CRISPLD2: variants seen among roughly 807,000 people sequenced by gnomAD.
The protein encoded by CRISPLD2 is cysteine rich secretory protein LCCL domain containing 2.
Under a neutral mutation model 71.1 loss-of-function variants are expected in CRISPLD2, and 47 were observed. That is an observed-to-expected ratio of 0.66 (90% CI 0.52 to 0.84). The LOEUF is 0.84. CRISPLD2 is among the 40% of genes least tolerant of loss of function. CRISPLD2 has a pLI of 0.00. For missense variants in CRISPLD2, 830 were observed against 651.1 expected, an observed-to-expected ratio of 1.27 and a Z score of -2.99; for synonymous variants, 317 against 250.1, an observed-to-expected ratio of 1.27 and a Z score of -2.52.
At chr16:84,830,223 G>A (rs1916454947) in intron 1 of CRISPLD2, among the ~76,000 whole-genome samples, 1 of 152,210 alleles carries the variant, frequency 6.6e-6, no homozygotes, top group Admixed American at 6.5e-5. Flanking sequence ...TTGGGAGGCT[G>A]AGGTGGGAGG....
intron 8 of CRISPLD2, among the ~76,000 whole-genome samples, chr16:84,869,381 C>T (rs998975945): frequency 2.0e-5 from 3 of 152,212 alleles, no homozygotes; most frequent in African/African-American, 4.8e-5. Context: ...GGGGACCTTG[C>T]TCGTCTTCCT....
At chr16:84,861,083 G>C (rs1917366264) in intron 6 of CRISPLD2, among the ~76,000 whole-genome samples, 1 of 152,174 alleles carries the variant, frequency 6.6e-6, no homozygotes, top group Non-Finnish European at 1.5e-5. Context: ...TGAATCAGGA[G>C]TGTCAAATGC....
rs1328867261 is a variant in CRISPLD2, at chr16:84,908,883, T to A, written c.*2241T>A. The A allele has an allele frequency of 1.3e-5, 2 of 151,920 alleles. No homozygotes were observed. The highest frequency in any genetic ancestry group is 4.8e-5 in the African/African-American group (2 of 41,346). 9.4% of individuals were successfully genotyped at this position (151,920 alleles called of 1,614,324 possible). On this transcript the variant is annotated 3_prime_UTR_variant, in exon 15 of 15. Coordinates refer to ENST00000262424, the MANE Select transcript of CRISPLD2 (RefSeq NM_031476.4). ...TTTGTATTTTTAGTAGAGATGGGGT[T>A]TCATTATGTTGGCCAGGCTGGTCTC...
intron 12 of CRISPLD2, 38 bp from the exon 13 acceptor site, chr16:84,880,471 T>C (rs1345338715): frequency 3.2e-6 from 5 of 1,542,558 alleles, no homozygotes; most frequent in Non-Finnish European, 3.5e-6. Context: ...TGGTTTTCTG[T>C]GCTCAGACCC....
intron 1 of CRISPLD2, among the ~76,000 whole-genome samples, chr16:84,837,867 G>C (rs900505961): frequency 6.6e-6 from 1 of 152,206 alleles, no homozygotes; most frequent in African/African-American, 2.4e-5. Context: ...TTGGCTGGAC[G>C]TGGTTCTGGG....
intron 6 of CRISPLD2, among the ~76,000 whole-genome samples, chr16:84,866,244 T>TG (rs1917533130): frequency 6.6e-6 from 1 of 151,280 alleles, no homozygotes. Context: ...TTTTGGTTTT[T>TG]TTTTTTGAGA....
rs1332633951 is a variant in CRISPLD2 at position 84,870,222 on chromosome 16, T to C, written c.914+1311T>C. Among the ~76,000 whole-genome samples, 5 of 151,968 alleles carry C rather than the reference T, an allele frequency of 3.3e-5. 1 individual carries two copies. The highest frequency in any genetic ancestry group is 4.1e-4 in the South Asian group (2 of 4,832). ...CAACAAAAAAGTAGAAAGAAAAAAA[T>C]GTGTTCCAAAATCTCATCAATACCA... is the stretch of plus-strand genomic sequence containing the variant. On this transcript the variant is annotated intron_variant, in intron 8 of 14. Transcript: ENST00000262424.
At chr16:84,874,081 C>T in intron 11 of CRISPLD2, 118 bp downstream of exon 11, 1 of 894,570 alleles carries the variant, frequency 1.1e-6, no homozygotes, top group Non-Finnish European at 1.7e-6. Context: ...CATTATGGTT[C>T]TCATCATTGT....
intron 4 of CRISPLD2, among the ~76,000 whole-genome samples, 175 bp downstream of exon 4, chr16:84,849,692 G>A (rs1917026817): frequency 6.6e-6 from 1 of 150,754 alleles, no homozygotes; most frequent in Admixed American, 6.7e-5. Flanking sequence ...TTACCAGCAA[G>A]GTCAGAAACT....
At chr16:84,831,506 G>A (rs543669980) in intron 1 of CRISPLD2, among the ~76,000 whole-genome samples, 16 of 151,216 alleles carry the variant, frequency 1.1e-4, no homozygotes, top group Admixed American at 4.6e-4. Flanking sequence ...CGATCCTCCC[G>A]TCTCAGCCCC....
intron 14 of CRISPLD2, among the ~76,000 whole-genome samples, chr16:84,895,551 A>G (rs2071698780): frequency 6.6e-6 from 1 of 152,188 alleles, no homozygotes; most frequent in Admixed American, 6.6e-5. Flanking sequence ...AAACTCACAT[A>G]CAAATCAAAA....
chr16:84,884,409 C>T (rs999223825), intron 13 of CRISPLD2, among the ~76,000 whole-genome samples: 1 of 152,202 alleles, frequency 6.6e-6, no homozygotes, highest in East Asian at 1.9e-4. Context: ...AAAGATATGA[C>T]CTGTGACCAT....
chr16:84,868,008 G>C (rs762925606), intron 7 of CRISPLD2, among the ~76,000 whole-genome samples: 5 of 152,336 alleles, frequency 3.3e-5, no homozygotes, highest in African/African-American at 1.2e-4. Flanking sequence ...GGGCTGGAGG[G>C]CTGGGCTGGA....
At chr16:84,885,417 A>C (rs1409261053) in intron 13 of CRISPLD2, among the ~76,000 whole-genome samples, 2 of 152,162 alleles carry the variant, frequency 1.3e-5, no homozygotes, top group African/African-American at 4.8e-5. Flanking sequence ...TTTCCTCCAA[A>C]GGGGGAAAAT....
intron 14 of CRISPLD2, among the ~76,000 whole-genome samples, chr16:84,890,597 GT>G (rs1251681144): frequency 6.6e-6 from 1 of 151,956 alleles, no homozygotes; most frequent in East Asian, 1.9e-4. Flanking sequence ...CACCGTGACT[GT>G]TTCCTTAAAT....
intron 13 of CRISPLD2, among the ~76,000 whole-genome samples, chr16:84,887,543 C>T (rs538444224): frequency 1.3e-5 from 2 of 152,346 alleles, no homozygotes; most frequent in South Asian, 4.1e-4. Flanking sequence ...GTTGTCCAGA[C>T]ACTTATGGTG....
intron 5 of CRISPLD2, among the ~76,000 whole-genome samples, chr16:84,852,297 G>A (rs145231045): frequency 3.0e-3 from 457 of 152,284 alleles, no homozygotes; most frequent in African/African-American, 0.01. Context: ...CCCTCTACCC[G>A]TGTAACTACC....
At chr16:84,872,544 T>TG in intron 9 of CRISPLD2, 36 bp downstream of exon 9, 1 of 1,552,788 alleles carries the variant, frequency 6.4e-7, no homozygotes, top group East Asian at 2.3e-5. Context: ...ATGGCTTGTG[T>TG]GGGATCCTGT....
chr16:84,854,970 C>A, intron 6 of CRISPLD2, 141 bp downstream of exon 6: 1 of 684,272 alleles, frequency 1.5e-6, no homozygotes, highest in Non-Finnish European at 2.6e-6. Context: ...ACATTCCTCC[C>A]GCCTCCGTGA....
Sources: gnomAD v4.1 joint callset for allele counts (sites outside exome capture counted in the v4.1 genomes callset) on GRCh38, gnomAD v4.1.1 for gene constraint, MANE v1.5 for transcripts, NCBI Gene and HGNC (gene_info 2026-07-23, HGNC 2026-07-21) for gene names.